The following RAPGEF6 variants were observed in gnomAD, a reference collection of about 807,000 sequenced individuals.
RAPGEF6 encodes the protein Rap guanine nucleotide exchange factor 6.
RAPGEF6 carries 56 observed loss-of-function variants against 171.4 expected under a neutral mutation model. The observed-to-expected ratio is 0.33, with a 90% CI of 0.26 to 0.41. The LOEUF (loss-of-function observed/expected upper bound fraction) is 0.41. Ranked by LOEUF, RAPGEF6 falls within the 10% of genes least tolerant of loss-of-function variation. The pLI is 1.00. For missense variants in RAPGEF6, 1,674 were observed against 1,921.4 expected (o/e 0.87, Z 2.41); for synonymous variants, 692 against 650.1 (o/e 1.06, Z -0.98).
chr5:131,614,299 A>AAAAAAG (rs1554087607), intron 1 of RAPGEF6, among the ~76,000 whole-genome samples: 1 of 147,180 alleles, frequency 6.8e-6, no homozygotes, highest in African/African-American at 2.5e-5. Context: ...AAAAAAAAAA[A>AAAAAAG]AAAGAAAGAA....
intron 6 of RAPGEF6, among the ~76,000 whole-genome samples, chr5:131,546,055 T>A (rs1287151553): frequency 6.6e-6 from 1 of 152,154 alleles, no homozygotes; most frequent in African/African-American, 2.4e-5. Flanking sequence ...AAATGACTCA[T>A]GAGCATGATC....
In RAPGEF6 at chr5:131,566,012, T is replaced by C. The variant is rs1415816926; in HGVS notation, c.282-3965A>G. Among the ~76,000 whole-genome samples the C allele has an allele frequency of 5.9e-5, 9 of 152,186 alleles. No homozygotes were observed. In the South Asian group the frequency reaches 1.9e-3, roughly 32 times the overall value. ...AAACACAAAAATCAGCCAGGCATGA[T>C]GGTGCATGCCTGTAGTCCCAGTTAC... is the stretch of plus-strand genomic sequence containing the variant. On this transcript the variant is annotated intron_variant, in intron 4 of 27. Transcript: ENST00000509018.
At chr5:131,521,552 A>C in intron 6 of RAPGEF6, 31 bp from the exon 7 acceptor site, 2 of 1,583,662 alleles carry the variant, frequency 1.3e-6, no homozygotes, top group Non-Finnish European at 1.7e-6. Flanking sequence ...AGTTATTCTA[A>C]ATGTCAAGCT....
At position 131,424,972 on chromosome 5, in the gene RAPGEF6, A is replaced by C. The variant is rs1751332595; in HGVS notation, c.*2294T>G. The C allele has an allele frequency of 6.6e-6, 1 of 152,390 alleles. No homozygotes were observed. The highest frequency in any genetic ancestry group is 1.5e-5 in the Non-Finnish European group (1 of 68,040). The allele number at this position is 152,390 out of a possible 1,614,324, so 9.4% of individuals were successfully genotyped here. ...CTTCTCTTGTTCTAGTCATATGACA[A>C]ACTAAGAGAAGGCAGGAATGTACCC... On this transcript the variant is annotated 3_prime_UTR_variant, in exon 28 of 28. Transcript: ENST00000509018.
At chr5:131,438,425 T>TA (rs774138574) in intron 24 of RAPGEF6, among the ~76,000 whole-genome samples, 1 of 152,214 alleles carries the variant, frequency 6.6e-6, no homozygotes, top group Non-Finnish European at 1.5e-5. Flanking sequence ...AGATGAAACT[T>TA]AGAGCCTGGA....
At chr5:131,580,799 C>G (rs1762915280) in intron 4 of RAPGEF6, among the ~76,000 whole-genome samples, 1 of 152,206 alleles carries the variant, frequency 6.6e-6, no homozygotes, top group African/African-American at 2.4e-5. Context: ...CTGACTGACA[C>G]AAGGTCTCTT....
At chr5:131,446,811 A>C in intron 21 of RAPGEF6, 108 bp from the exon 22 acceptor site, 1 of 1,004,360 alleles carries the variant, frequency 1.0e-6, no homozygotes, top group South Asian at 1.6e-5. Flanking sequence ...ATGCTGATGT[A>C]AATGAGTTAA....
rs560171107 is a variant in RAPGEF6, at chr5:131,581,384, T to A, written c.281+10999A>T. ...CTTCTTCCAATTGTTAGTCCTCTAA[T>A]ACCTATCTTCCTCCTTCTCTTCTTA... On this transcript the variant is annotated intron_variant, in intron 4 of 27. Transcript: ENST00000509018. Among the ~76,000 whole-genome samples the A allele has an allele frequency of 3.9e-5, 6 of 152,300 alleles. No homozygotes were observed. The South Asian group carries it at 1.2e-3, about 32-fold the overall frequency.
intron 4 of RAPGEF6, among the ~76,000 whole-genome samples, chr5:131,581,160 G>A (rs1229354030): frequency 3.9e-5 from 6 of 152,188 alleles, no homozygotes; most frequent in South Asian, 2.1e-4. Context: ...CTGTCCTCTA[G>A]AACCGCCGAG....
chr5:131,577,309 TTTAAA>T (rs1762664541), intron 4 of RAPGEF6, among the ~76,000 whole-genome samples: 1 of 152,198 alleles, frequency 6.6e-6, no homozygotes, highest in South Asian at 2.1e-4. Context: ...CTAATGGTCT[TTTAAA>T]AACACCTCAC....
chr5:131,463,298 G>A (rs1719389945), intron 18 of RAPGEF6, among the ~76,000 whole-genome samples: 1 of 152,160 alleles, frequency 6.6e-6, no homozygotes. Context: ...TCTCAGAGTG[G>A]TTGAGTGTGG....
rs1404788668 is a variant in RAPGEF6 at position 131,427,032 on chromosome 5, G to T, written c.*234C>A. On this transcript the variant is annotated 3_prime_UTR_variant, in exon 28 of 28. Transcript: ENST00000509018. ...TCCCAAGGCAGTTCCGGCGTGCAAAGTGGAGACTGGTATCCAGGCATAGCA... is the reference window on the plus strand; with the variant it reads ...TCCCAAGGCAGTTCCGGCGTGCAAATTGGAGACTGGTATCCAGGCATAGCA... 9 of 546,666 alleles carry T rather than the reference G, an allele frequency of 1.6e-5. No individual in the cohort carries two copies. Among genetic ancestry groups the T allele is most frequent in the Non-Finnish European group, 2.9e-5 (9 of 312,378 alleles). 33.9% of individuals were successfully genotyped at this position (546,666 alleles called of 1,614,324 possible). A position where few individuals can be genotyped will look rare whatever the true frequency, so the allele number is the denominator to read the frequency against.
chr5:131,616,268 A>T (rs1218201832), intron 1 of RAPGEF6, among the ~76,000 whole-genome samples: 2 of 152,206 alleles, frequency 1.3e-5, no homozygotes, highest in Non-Finnish European at 2.9e-5. Flanking sequence ...TACCCTTTAA[A>T]CAATTCTTAC....
In RAPGEF6 at chr5:131,634,967, G is replaced by A. The variant is rs888578810; in HGVS notation, c.64C>T (p.Pro22Ser). ...TAAAGGTCAACCAGCCTCACCTCGG[G>A]AGTCCGCTCGGGTGGCTTCTTCCTC... ...ALRKKPPERTPEDLNTIYSYL... is the reference protein window; with the variant it reads ...ALRKKPPERTSEDLNTIYSYL... Residue 22 changes from proline (P) to serine (S), a missense_variant, in exon 1 of 28, where the codon CCC becomes TCC. Coordinates refer to ENST00000509018, the MANE Select transcript of RAPGEF6 (RefSeq NM_016340.6). The A allele has an allele frequency of 6.2e-7, 1 of 1,613,988 alleles. No homozygotes were observed. The highest frequency in any genetic ancestry group is 8.5e-7 in the Non-Finnish European group (1 of 1,179,940).
chr5:131,599,048 C>T (rs1480882236), intron 3 of RAPGEF6, among the ~76,000 whole-genome samples: 2 of 152,198 alleles, frequency 1.3e-5, no homozygotes, highest in African/African-American at 4.8e-5. Flanking sequence ...TGGGGGCTCA[C>T]GCCTGTAATT....
At chr5:131,465,735 A>G (rs752613648) in intron 17 of RAPGEF6, among the ~76,000 whole-genome samples, 4 of 152,104 alleles carry the variant, frequency 2.6e-5, no homozygotes, top group African/African-American at 4.8e-5. Context: ...GTGAGCTGAG[A>G]TCATGCCACT....
At chr5:131,456,208 TATA>T (rs989895031) in intron 19 of RAPGEF6, among the ~76,000 whole-genome samples, 196 bp from the exon 20 acceptor site, 6 of 152,244 alleles carry the variant, frequency 3.9e-5, no homozygotes, top group Admixed American at 6.5e-5. Context: ...TCTTTCAAAC[TATA>T]ATGCTTGCCT....
chr5:131,517,227 T>C (rs1260609207), intron 7 of RAPGEF6, among the ~76,000 whole-genome samples: 4 of 152,116 alleles, frequency 2.6e-5, no homozygotes, highest in Non-Finnish European at 5.9e-5. Flanking sequence ...CGCAATATAC[T>C]ATGTAAGAAA....
chr5:131,481,496 C>T (rs1166224619), intron 15 of RAPGEF6, among the ~76,000 whole-genome samples: 1 of 152,200 alleles, frequency 6.6e-6, no homozygotes, highest in Non-Finnish European at 1.5e-5. Context: ...TTCCAAAGTG[C>T]TGGGATTACA....
Sources: gnomAD v4.1 joint callset for allele counts (sites outside exome capture counted in the v4.1 genomes callset) on GRCh38, gnomAD v4.1.1 for gene constraint, MANE v1.5 for transcripts, NCBI Gene and HGNC (gene_info 2026-07-23, HGNC 2026-07-21) for gene names.